ULK2: variants seen among roughly 807,000 people sequenced by gnomAD.
ULK2 encodes the protein unc-51 like autophagy activating kinase 2.
Under a neutral mutation model 127.5 loss-of-function variants are expected in ULK2, and 76 were observed. The observed-to-expected ratio is 0.60, with a 90% CI of 0.50 to 0.72. The LOEUF is 0.72. ULK2 is among the 30% of genes least tolerant of loss of function. The pLI, the probability that ULK2 is intolerant of heterozygous loss-of-function variation, is 0.00. For synonymous variants in ULK2, 452 were observed against 461.9 expected (o/e 0.98, Z 0.28); for missense variants, 1,144 against 1,295.9 (o/e 0.88, Z 1.80).
chr17:19,819,863 C>G (rs1567700561), intron 12 of ULK2, among the ~76,000 whole-genome samples: 1 of 152,212 alleles, frequency 6.6e-6, no homozygotes, highest in South Asian at 2.1e-4. Flanking sequence ...ATGACGACAA[C>G]AACAATGATG....
At chr17:19,777,878 A>G (rs1399707571) in intron 25 of ULK2, among the ~76,000 whole-genome samples, 162 bp from the exon 26 acceptor site, 2 of 152,200 alleles carry the variant, frequency 1.3e-5, no homozygotes, top group African/African-American at 4.8e-5. Context: ...CTTTGGGATG[A>G]GCAATATATA....
At chr17:19,817,957 G>A (rs535805631) in intron 12 of ULK2, among the ~76,000 whole-genome samples, 8 of 152,058 alleles carry the variant, frequency 5.3e-5, no homozygotes, top group Middle Eastern at 3.2e-3. Context: ...AGGGAAGATG[G>A]AAGAACTAGC....
intron 25 of ULK2, among the ~76,000 whole-genome samples, chr17:19,779,947 G>A (rs960357210): frequency 1.3e-5 from 2 of 152,156 alleles, no homozygotes; most frequent in Non-Finnish European, 2.9e-5. Context: ...GCTAAGGAGG[G>A]TGGAACACCT....
chr17:19,840,763 C>T (rs2041729606), intron 9 of ULK2, among the ~76,000 whole-genome samples: 1 of 150,388 alleles, frequency 6.6e-6, no homozygotes, highest in African/African-American at 2.4e-5. Flanking sequence ...GTGGTGGGTG[C>T]CTACAGTCCC....
chr17:19,822,101 T>A (rs1186226198), intron 12 of ULK2, among the ~76,000 whole-genome samples: 1 of 151,836 alleles, frequency 6.6e-6, no homozygotes, highest in African/African-American at 2.4e-5. Flanking sequence ...TTCTCCCACC[T>A]CAGCCTCCCA....
chr17:19,827,489 A>G (rs1007237139), intron 10 of ULK2, among the ~76,000 whole-genome samples: 2 of 152,248 alleles, frequency 1.3e-5, no homozygotes, highest in Non-Finnish European at 2.9e-5. Flanking sequence ...CTATTACTAC[A>G]GGAAAAGTCA....
chr17:19,773,344 T>A lies in ULK2; in HGVS notation c.*3005A>T, dbSNP rs2086762582. Reference sequence around the variant, plus strand: ...AGTCCAGGTCCTCATGTCCACTGTGTCTAACTCAACTTATTACTGTGCAGA... The same window carrying A: ...AGTCCAGGTCCTCATGTCCACTGTGACTAACTCAACTTATTACTGTGCAGA... On this transcript the variant is annotated 3_prime_UTR_variant, in exon 27 of 27. Coordinates refer to ENST00000395544, the MANE Select transcript of ULK2 (RefSeq NM_014683.4). 1 of 152,218 alleles carries A rather than the reference T, an allele frequency of 6.6e-6. No homozygotes were observed. The highest frequency in any genetic ancestry group is 2.4e-5 in the African/African-American group (1 of 41,440). The allele number at this position is 152,218 out of a possible 1,614,324, so 9.4% of individuals were successfully genotyped here.
chr17:19,824,446 CAAAAAAAAAAAAAAAA>C (rs397943235), intron 12 of ULK2, among the ~76,000 whole-genome samples: 3 of 9,886 alleles, frequency 3.0e-4, no homozygotes, highest in Non-Finnish European at 8.6e-4. Flanking sequence ...AACTCCATCT[CAAAAAAAAAAAAAAAA>C]AAAAAAAAAA....
intron 1 of ULK2, among the ~76,000 whole-genome samples, chr17:19,866,104 G>A (rs2042345666): frequency 1.3e-5 from 2 of 152,154 alleles, no homozygotes; most frequent in African/African-American, 4.8e-5. Context: ...ATGGACAAAT[G>A]TAGAAATAAA....
At chr17:19,821,482 GAATGTAAAAACGACA>G (rs371029255) in intron 12 of ULK2, among the ~76,000 whole-genome samples, 1,567 of 152,122 alleles carry the variant, frequency 0.01, 18 homozygotes, top group Middle Eastern at 0.021. Context: ...ATTTACATGA[GAATGTAAAAACGACA>G]ACGTTATATC....
At chr17:19,838,442 C>CT in intron 10 of ULK2, 59 bp downstream of exon 10, 3 of 1,430,056 alleles carry the variant, frequency 2.1e-6, no homozygotes, top group Non-Finnish European at 2.9e-6. Flanking sequence ...GTTTTTAAAT[C>CT]TTTCGGCATA....
At chr17:19,839,852 G>C (rs1302550265) in intron 9 of ULK2, among the ~76,000 whole-genome samples, 1 of 152,028 alleles carries the variant, frequency 6.6e-6, no homozygotes, top group African/African-American at 2.4e-5. Context: ...CTTCTATCTT[G>C]CTGTATTCAC....
chr17:19,792,701 G>A (rs975417404), intron 20 of ULK2, among the ~76,000 whole-genome samples: 3 of 151,778 alleles, frequency 2.0e-5, no homozygotes, highest in Admixed American at 6.5e-5. Context: ...TAGCCTGGGC[G>A]ACAGAGCGAG....
chr17:19,780,693 T>A, intron 24 of ULK2, 64 bp from the exon 25 acceptor site: 2 of 1,498,550 alleles, frequency 1.3e-6, no homozygotes, highest in Non-Finnish European at 1.8e-6. Context: ...CACAGTTATA[T>A]GTATCTTTCC....
At chr17:19,842,190 C>CTG (rs1475962455) in intron 8 of ULK2, among the ~76,000 whole-genome samples, 2,435 of 88,340 alleles carry the variant, frequency 0.028, 83 homozygotes, top group African/African-American at 0.1. Context: ...TTTTCTTTTT[C>CTG]TTTTTTTTTT....
chr17:19,771,914 C>G lies in ULK2; in HGVS notation c.*4435G>C, dbSNP rs1349044563. The G allele has an allele frequency of 2.6e-5, 4 of 152,400 alleles. No individual in the cohort carries two copies. In the East Asian group the frequency reaches 7.7e-4, roughly 29 times the overall value. The allele number at this position is 152,400 out of a possible 1,614,324, so 9.4% of individuals were successfully genotyped here. ...GCACGACTGTCTTGGGACAGGAGAT[C>G]ATGCTGCAGAGCCCAGGGAGGTCCG... On this transcript the variant is annotated 3_prime_UTR_variant, in exon 27 of 27. Coordinates refer to ENST00000395544, the MANE Select transcript of ULK2 (RefSeq NM_014683.4).
At chr17:19,851,257 G>A (rs1265299372) in intron 3 of ULK2, among the ~76,000 whole-genome samples, 18 of 147,908 alleles carry the variant, frequency 1.2e-4, no homozygotes. Flanking sequence ...AACCCAGGAG[G>A]CAGAAGTTGC....
intron 3 of ULK2, among the ~76,000 whole-genome samples, chr17:19,862,750 G>A (rs1444787456): frequency 2.0e-5 from 3 of 152,014 alleles, no homozygotes; most frequent in Non-Finnish European, 2.9e-5. Flanking sequence ...ACAGGTATAA[G>A]CTACCGTGCC....
At chr17:19,866,952 GACCA>G (rs2042363822) in intron 1 of ULK2, among the ~76,000 whole-genome samples, 1 of 152,112 alleles carries the variant, frequency 6.6e-6, no homozygotes, top group Non-Finnish European at 1.5e-5. Flanking sequence ...CCTCAAAAGT[GACCA>G]GCCCTGGGCA....
Sources: gnomAD v4.1 joint callset for allele counts (sites outside exome capture counted in the v4.1 genomes callset) on GRCh38, gnomAD v4.1.1 for gene constraint, MANE v1.5 for transcripts, NCBI Gene and HGNC (gene_info 2026-07-23, HGNC 2026-07-21) for gene names.